Variants in CSGALNACT1 observed in about 807,000 individuals in gnomAD.
CSGALNACT1 encodes beta4GalNAcT-1.
CSGALNACT1 carries 52 observed loss-of-function variants against 51.0 expected under a neutral mutation model. The ratio of observed to expected loss-of-function variants is 1.02; its 90% CI spans 0.82 to 1.29. The LOEUF is 1.29. Among genes scored for constraint, CSGALNACT1 ranks in the 50% most tolerant of loss-of-function variants. The pLI is 0.00. For missense variants in CSGALNACT1, 935 were observed against 679.2 expected (o/e 1.38, Z -4.19); for synonymous variants, 341 against 254.4 (o/e 1.34, Z -3.24).
At chr8:19,753,954 A>G (rs973624548) in intron 1 of CSGALNACT1, among the ~76,000 whole-genome samples, 3 of 152,238 alleles carry the variant, frequency 2.0e-5, no homozygotes, top group Non-Finnish European at 4.4e-5. Flanking sequence ...AGTCTTCTCA[A>G]AAACACATAG....
At chr8:19,621,023 C>T (rs865934673) in intron 1 of CSGALNACT1, among the ~76,000 whole-genome samples, 14 of 152,226 alleles carry the variant, frequency 9.2e-5, no homozygotes, top group South Asian at 8.3e-4. Context: ...AGTTAGAGGT[C>T]TTGGTCATTT....
chr8:19,721,720 A>T (rs975940485), intron 1 of CSGALNACT1, among the ~76,000 whole-genome samples: 15 of 152,242 alleles, frequency 9.9e-5, no homozygotes, highest in African/African-American at 3.4e-4. Flanking sequence ...CATATCACAT[A>T]CTTGAGAAAT....
chr8:19,461,179 G>C (rs953881183), intron 4 of CSGALNACT1, among the ~76,000 whole-genome samples: 3 of 152,230 alleles, frequency 2.0e-5, no homozygotes, highest in African/African-American at 7.2e-5. Context: ...GTCCCAGAGG[G>C]AAAAGCCATG....
At chr8:19,596,476 C>T (rs985998753) in intron 2 of CSGALNACT1, among the ~76,000 whole-genome samples, 2 of 151,658 alleles carry the variant, frequency 1.3e-5, no homozygotes, top group African/African-American at 4.8e-5. Context: ...TTTTAAGTAT[C>T]ATACAAGTAT....
chr8:19,424,562 C>T (rs2153706223), intron 6 of CSGALNACT1, among the ~76,000 whole-genome samples: 1 of 152,310 alleles, frequency 6.6e-6, no homozygotes, highest in South Asian at 2.1e-4. Context: ...GTGGGGCAGC[C>T]TCCTCATCTG....
rs397973082 is a variant in CSGALNACT1 at position 19,658,062 on chromosome 8, C to CAAAAAA, written c.-544+24405_-544+24410dup. ...TATGTGTGCCCTCTCACCCTCCTTC[C>CAAAAAA]AAAAAAAAAAAAAAAAAAAAAAGTC... is the stretch of plus-strand genomic sequence containing the variant. On this transcript the variant is annotated intron_variant, in intron 1 of 9. Transcript: ENST00000332246. Among the ~76,000 whole-genome samples the CAAAAAA allele has an allele frequency of 1.2e-4, 10 of 86,674 alleles. 2 individuals are homozygous for CAAAAAA. The highest frequency in any genetic ancestry group is 1.5e-4 in the African/African-American group (3 of 20,200). 56.9% of individuals were successfully genotyped at this position (86,674 alleles called of 152,430 possible).
At chr8:19,517,722 C>T (rs536074304) in intron 3 of CSGALNACT1, among the ~76,000 whole-genome samples, 9 of 152,180 alleles carry the variant, frequency 5.9e-5, no homozygotes, top group Non-Finnish European at 1.0e-4. Context: ...CTGACAAAAA[C>T]ATCAGATCTC....
chr8:19,666,923 G>A (rs1589382570), intron 1 of CSGALNACT1, among the ~76,000 whole-genome samples: 1 of 132,310 alleles, frequency 7.6e-6, no homozygotes, highest in Admixed American at 7.6e-5. Context: ...GGGAGGAAGG[G>A]AGAGACAGAG....
chr8:19,542,592 A>C (rs946378655), intron 3 of CSGALNACT1, among the ~76,000 whole-genome samples: 1 of 152,106 alleles, frequency 6.6e-6, no homozygotes, highest in African/African-American at 2.4e-5. Context: ...AGAGATGATG[A>C]TTAATTTCTA....
At chr8:19,648,298 TTTAAACATTAATG>T (rs1484316143) in intron 1 of CSGALNACT1, among the ~76,000 whole-genome samples, 2 of 152,190 alleles carry the variant, frequency 1.3e-5, no homozygotes, top group Non-Finnish European at 2.9e-5. Context: ...AAAACTGCAT[TTTAAACATTAATG>T]TTAGAGGCAA....
intron 3 of CSGALNACT1, among the ~76,000 whole-genome samples, chr8:19,507,465 T>C (rs1420749902): frequency 8.0e-5 from 11 of 136,778 alleles, no homozygotes; most frequent in African/African-American, 3.1e-4. Flanking sequence ...CACAGCACAC[T>C]CCTCTTCAGA....
intron 5 of CSGALNACT1, among the ~76,000 whole-genome samples, chr8:19,446,625 C>A (rs1458540756): frequency 6.6e-6 from 1 of 152,158 alleles, no homozygotes; most frequent in Non-Finnish European, 1.5e-5. Context: ...GTGATCCTCC[C>A]ACCCTAACTT....
chr8:19,741,355 G>C (rs1208420533), intron 1 of CSGALNACT1, among the ~76,000 whole-genome samples: 1 of 152,090 alleles, frequency 6.6e-6, no homozygotes, highest in Admixed American at 6.5e-5. Flanking sequence ...ACGAGGTCAG[G>C]AGTTTGAGAC....
intron 1 of CSGALNACT1, among the ~76,000 whole-genome samples, chr8:19,677,103 G>C (rs1036569047): frequency 1.5e-4 from 20 of 135,488 alleles, no homozygotes; most frequent in African/African-American, 5.4e-4. Context: ...AGGTGGCTTT[G>C]AGAATGCTTT....
chr8:19,578,422 T>A (rs1002804841), intron 3 of CSGALNACT1, among the ~76,000 whole-genome samples: 1 of 152,204 alleles, frequency 6.6e-6, no homozygotes, highest in African/African-American at 2.4e-5. Context: ...AGAAGACATT[T>A]ATTTTCCTAT....
At chr8:19,717,441 T>C (rs1159633483) in intron 1 of CSGALNACT1, among the ~76,000 whole-genome samples, 1 of 152,174 alleles carries the variant, frequency 6.6e-6, no homozygotes, top group Non-Finnish European at 1.5e-5. Context: ...GGTAGACAAG[T>C]AACCTTCCAA....
intron 3 of CSGALNACT1, among the ~76,000 whole-genome samples, chr8:19,529,621 G>T (rs769429646): frequency 1.3e-5 from 2 of 152,132 alleles, no homozygotes; most frequent in Non-Finnish European, 2.9e-5. Context: ...AAAGTGGTAA[G>T]GGAAAATGTG....
intron 3 of CSGALNACT1, among the ~76,000 whole-genome samples, chr8:19,579,238 C>T (rs897391212): frequency 1.1e-4 from 17 of 152,188 alleles, no homozygotes; most frequent in African/African-American, 4.1e-4. Context: ...AAATTCAGCT[C>T]ACGTCACTTT....
chr8:19,432,902 T>C (rs969250800), intron 6 of CSGALNACT1, among the ~76,000 whole-genome samples: 9 of 152,192 alleles, frequency 5.9e-5, no homozygotes, highest in Non-Finnish European at 1.5e-5. Flanking sequence ...TTAAAAATTT[T>C]TGTCTATTAA....
Sources: allele counts gnomAD v4.1 joint callset (sites outside exome capture counted in the v4.1 genomes callset), GRCh38; gene constraint gnomAD v4.1.1; transcripts MANE v1.5; gene names NCBI Gene and HGNC (gene_info 2026-07-23, HGNC 2026-07-21).